The following ERC2 variants were observed in gnomAD, a reference collection of about 807,000 sequenced individuals.
The protein encoded by ERC2 is ERC protein 2.
Under a neutral mutation model 114.8 loss-of-function variants are expected in ERC2, and 42 were observed. The observed-to-expected ratio is 0.37, with a 90% CI of 0.29 to 0.47. The LOEUF is 0.47. Ranked by LOEUF, ERC2 falls within the 20% of genes least tolerant of loss-of-function variation. The pLI is 0.99. For synonymous variants in ERC2, 454 were observed against 425.5 expected, an observed-to-expected ratio of 1.07 and a Z score of -0.82; for missense variants, 939 against 1,150.7, an observed-to-expected ratio of 0.82 and a Z score of 2.66.
chr3:56,222,580 C>T (rs1036706481), intron 3 of ERC2, among the ~76,000 whole-genome samples: 4 of 152,150 alleles, frequency 2.6e-5, no homozygotes, highest in Admixed American at 2.6e-4. Context: ...TGTCTTCCCC[C>T]TTTCTGAACC....
intron 7 of ERC2, among the ~76,000 whole-genome samples, chr3:56,048,751 G>A (rs534582594): frequency 6.6e-6 from 1 of 152,222 alleles, no homozygotes; most frequent in East Asian, 1.9e-4. Flanking sequence ...AGCCAGACTC[G>A]GTCCCTGCCT....
At chr3:55,614,106 G>T (rs1364093417) in intron 17 of ERC2, among the ~76,000 whole-genome samples, 2 of 150,270 alleles carry the variant, frequency 1.3e-5, no homozygotes, top group Non-Finnish European at 3.0e-5. Flanking sequence ...TTGATAAAAT[G>T]AACAGATCAG....
At chr3:55,814,072 T>C (rs2059819671) in intron 14 of ERC2, among the ~76,000 whole-genome samples, 1 of 152,180 alleles carries the variant, frequency 6.6e-6, no homozygotes, top group Non-Finnish European at 1.5e-5. Flanking sequence ...TTTATAAACA[T>C]TTTTGCAAAT....
At chr3:55,819,081 G>A (rs771449012) in intron 14 of ERC2, among the ~76,000 whole-genome samples, 10 of 152,232 alleles carry the variant, frequency 6.6e-5, no homozygotes, top group Admixed American at 1.3e-4. Context: ...GGGCATTTTC[G>A]GCTATGGTTT....
chr3:55,733,540 TCTCACA>T lies in ERC2; in HGVS notation c.2712+1225_2712+1230del, dbSNP rs748681276. Among the ~76,000 whole-genome samples, 186 of 95,858 alleles carry T rather than the reference TCTCACA, an allele frequency of 1.9e-3. 2 individuals carry two copies. Among genetic ancestry groups the T allele is most frequent in the Middle Eastern group, 5.6e-3 (1 of 180 alleles). The allele number at this position is 95,858 out of a possible 152,430, so 62.9% of individuals were successfully genotyped here. On this transcript the variant is annotated intron_variant, in intron 15 of 17. Coordinates refer to ENST00000288221, the MANE Select transcript of ERC2 (RefSeq NM_015576.3). ...CTCTGTCTCTCATTCTTTCTCTCTCTCTCACACACACACACACACACACACACACAC... is the reference window on the plus strand; with the variant it reads ...CTCTGTCTCTCATTCTTTCTCTCTCTCACACACACACACACACACACACAC...
At chr3:55,975,651 T>C (rs59759400) in intron 12 of ERC2, among the ~76,000 whole-genome samples, 14,257 of 152,224 alleles carry the variant, frequency 0.094, 927 homozygotes, top group East Asian at 0.23. Context: ...TGGTTCAGGA[T>C]TAATCCTCCC....
chr3:55,795,347 G>A (rs1239209450), intron 14 of ERC2, among the ~76,000 whole-genome samples: 2 of 152,088 alleles, frequency 1.3e-5, no homozygotes, highest in Non-Finnish European at 2.9e-5. Flanking sequence ...TGGATAAGCT[G>A]GGGCACCTTG....
At chr3:56,152,286 T>C (rs1040793730) in intron 4 of ERC2, among the ~76,000 whole-genome samples, 6 of 152,152 alleles carry the variant, frequency 3.9e-5, no homozygotes, top group Non-Finnish European at 8.8e-5. Flanking sequence ...TAGAAGTCAA[T>C]TCCTGAAAAA....
At chr3:55,686,680 G>T (rs1453732235) in intron 16 of ERC2, among the ~76,000 whole-genome samples, 2 of 152,228 alleles carry the variant, frequency 1.3e-5, no homozygotes, top group African/African-American at 4.8e-5. Context: ...ATGCTAAGTT[G>T]TTGAGAAATA....
intron 17 of ERC2, among the ~76,000 whole-genome samples, chr3:55,625,537 G>T (rs2059486805): frequency 6.6e-6 from 1 of 152,050 alleles, no homozygotes; most frequent in Non-Finnish European, 1.5e-5. Context: ...GGATCATGAG[G>T]TCAGGAGATC....
chr3:56,330,058 G>C (rs1010052052), intron 2 of ERC2, among the ~76,000 whole-genome samples: 1 of 149,966 alleles, frequency 6.7e-6, no homozygotes, highest in East Asian at 1.9e-4. Context: ...AGAGAGAGAG[G>C]GTGTCTCTCT....
intron 14 of ERC2, among the ~76,000 whole-genome samples, chr3:55,884,458 T>G (rs1220225335): frequency 6.6e-6 from 1 of 152,170 alleles, no homozygotes; most frequent in Non-Finnish European, 1.5e-5. Flanking sequence ...TACTGCCTCT[T>G]TTTTTTCCCT....
intron 14 of ERC2, among the ~76,000 whole-genome samples, chr3:55,744,623 G>T (rs2066194108): frequency 6.6e-6 from 1 of 152,168 alleles, no homozygotes; most frequent in Non-Finnish European, 1.5e-5. Context: ...AGCACCAAGT[G>T]GTCAATGGGA....
chr3:55,912,336 A>C lies in ERC2; in HGVS notation c.2404-23787T>G, dbSNP rs139819939. Among the ~76,000 whole-genome samples, 287 of 152,330 alleles carry C rather than the reference A, an allele frequency of 1.9e-3. 1 individual carries two copies. Among genetic ancestry groups the C allele is most frequent in the African/African-American group, 6.4e-3 (266 of 41,574 alleles). ...CCATGGAGGTTGCCAACAGATATTA[A>C]ATCAACCCATCATTTTATAGGGAAC... is the stretch of plus-strand genomic sequence containing the variant. On this transcript the variant is annotated intron_variant, in intron 13 of 17. Transcript: ENST00000288221.
rs115385259 is a variant in ERC2, at chr3:56,457,717, T to C, written c.-141+10531A>G. Among the ~76,000 whole-genome samples the C allele has an allele frequency of 8.4e-3, 1,282 of 152,220 alleles. 19 individuals carry two copies. Among genetic ancestry groups the C allele is most frequent in the African/African-American group, 0.029 (1,198 of 41,534 alleles). ...TCCAGCTCTACAGTTCTACCTACAT[T>C]TACCTCCGTGAACCCTGAATCTCCC... On this transcript the variant is annotated intron_variant, in intron 1 of 17. Transcript: ENST00000288221.
In ERC2 at chr3:55,790,629, C is replaced by T. The variant is rs78811217; in HGVS notation, c.2565-55711G>A. 4.6e-5 allele frequency among the ~76,000 whole-genome samples: 7 copies of T among 152,340 alleles called. No homozygotes were observed. In the East Asian group the frequency reaches 1.4e-3, roughly 29 times the overall value. On this transcript the variant is annotated intron_variant, in intron 14 of 17. Transcript: ENST00000288221. ...GAATAACAACCCTACTATCCCCCAC[C>T]TCCAGATAAGCTACTTGTATTCAAA...
chr3:55,511,503 C>A (rs1274214577), intron 17 of ERC2, among the ~76,000 whole-genome samples: 1 of 152,006 alleles, frequency 6.6e-6, no homozygotes, highest in Non-Finnish European at 1.5e-5. Flanking sequence ...GAGAAGAGGC[C>A]TCTTTCAAAA....
intron 6 of ERC2, among the ~76,000 whole-genome samples, chr3:56,130,234 C>T (rs2080122653): frequency 6.6e-6 from 1 of 152,152 alleles, no homozygotes; most frequent in African/African-American, 2.4e-5. Context: ...TTCTGATTTC[C>T]AAGCCCTTCT....
intron 17 of ERC2, among the ~76,000 whole-genome samples, chr3:55,635,107 G>A (rs189110772): frequency 6.6e-6 from 1 of 151,984 alleles, no homozygotes; most frequent in East Asian, 1.9e-4. Context: ...TCTTGATCTC[G>A]TGACCTCGTG....
Sources: gnomAD v4.1 joint callset for allele counts (sites outside exome capture counted in the v4.1 genomes callset) on GRCh38, gnomAD v4.1.1 for gene constraint, MANE v1.5 for transcripts, NCBI Gene and HGNC (gene_info 2026-07-23, HGNC 2026-07-21) for gene names.